The following ARHGAP6 variants were observed in gnomAD, a reference collection of about 807,000 sequenced individuals.
ARHGAP6 encodes rho GTPase-activating protein 6.
ARHGAP6 carries 16 observed loss-of-function variants against 55.7 expected under a neutral mutation model. That is an observed-to-expected ratio of 0.29 (90% CI 0.19 to 0.44). The LOEUF (loss-of-function observed/expected upper bound fraction) is 0.44. Ranked by LOEUF, ARHGAP6 falls within the 20% of genes least tolerant of loss-of-function variation. The pLI is 1.00. For missense variants in ARHGAP6, 698 were observed against 808.9 expected, an observed-to-expected ratio of 0.86 and a Z score of 1.66; for synonymous variants, 382 against 360.9, an observed-to-expected ratio of 1.06 and a Z score of -0.66.
intron 2 of ARHGAP6, among the ~76,000 whole-genome samples, chrX:11,202,881 T>C (rs1257561987): frequency 1.0e-5 from 1 of 96,581 alleles, no homozygotes; most frequent in African/African-American, 3.9e-5. Context: ...ACTTTCTCAA[T>C]ATAGAGTAAA....
chrX:11,145,530 G>A (rs1449193086), intron 10 of ARHGAP6, among the ~76,000 whole-genome samples: 1 of 112,029 alleles, frequency 8.9e-6, no homozygotes, highest in Non-Finnish European at 1.9e-5. Flanking sequence ...GTAATCTTAT[G>A]GGAAGGAGCC....
At chrX:11,429,127 G>C (rs1407030004) in intron 1 of ARHGAP6, among the ~76,000 whole-genome samples, 2 of 112,539 alleles carry the variant, frequency 1.8e-5, no homozygotes, top group African/African-American at 6.5e-5. Flanking sequence ...ATACTATTCA[G>C]CAATAAAAAG....
intron 8 of ARHGAP6, 116 bp from the exon 9 acceptor site, chrX:11,169,800 G>T: frequency 3.7e-6 from 2 of 541,949 alleles, no homozygotes; most frequent in Non-Finnish European, 5.5e-6. Flanking sequence ...CTGCAAGGAT[G>T]CCATCCTCTC....
rs181285912 is a variant in ARHGAP6, at chrX:11,640,586, G to C, written c.588+23655C>G. Among the ~76,000 whole-genome samples the C allele has an allele frequency of 4.1e-3, 463 of 111,690 alleles. 1 individual carries two copies. Among genetic ancestry groups the C allele is most frequent in the Middle Eastern group, 0.014 (3 of 217 alleles). ...GTCTAAACACTTGCTTTCTGGTTTT[G>C]CTGCTTTATCCTATAACTGGGACTC... On this transcript the variant is annotated intron_variant, in intron 1 of 12. Coordinates refer to ENST00000337414, the MANE Select transcript of ARHGAP6 (RefSeq NM_013427.3).
chrX:11,466,252 A>C (rs1483835391), intron 1 of ARHGAP6, among the ~76,000 whole-genome samples: 2 of 111,731 alleles, frequency 1.8e-5, no homozygotes, highest in East Asian at 5.6e-4. Context: ...TAGCTCCTAA[A>C]AATATTTTGT....
chrX:11,356,874 T>C (rs959690075), intron 1 of ARHGAP6, among the ~76,000 whole-genome samples: 2 of 112,374 alleles, frequency 1.8e-5, no homozygotes, highest in Non-Finnish European at 3.8e-5. Flanking sequence ...ATTTATTTCA[T>C]ATTTAACACA....
At chrX:11,487,843 T>C (rs1376499423) in intron 1 of ARHGAP6, among the ~76,000 whole-genome samples, 3 of 111,760 alleles carry the variant, frequency 2.7e-5, no homozygotes, top group Non-Finnish European at 5.6e-5. Context: ...ATAATAATTA[T>C]AGGAGTGATG....
At chrX:11,181,122 C>A (rs1415375826) in intron 6 of ARHGAP6, among the ~76,000 whole-genome samples, 1 of 111,894 alleles carries the variant, frequency 8.9e-6, no homozygotes, top group African/African-American at 3.2e-5. Context: ...TTTCTTCCTG[C>A]AAGTTCTGTT....
chrX:11,150,428 AT>A (rs749485388), intron 10 of ARHGAP6, among the ~76,000 whole-genome samples: 1,694 of 109,545 alleles, frequency 0.015, 31 homozygotes, highest in African/African-American at 0.053. Context: ...TTTTGTGTAT[AT>A]TTTTTTTTCC....
chrX:11,186,106 C>T, intron 5 of ARHGAP6, 130 bp downstream of exon 5: 3 of 620,502 alleles, frequency 4.8e-6, no homozygotes, highest in Non-Finnish European at 7.6e-6. Flanking sequence ...CACATCTGTA[C>T]ACTTTCACAC....
intron 3 of ARHGAP6, among the ~76,000 whole-genome samples, chrX:11,193,871 C>T (rs1180881628): frequency 8.9e-6 from 1 of 112,952 alleles, no homozygotes; most frequent in Non-Finnish European, 1.9e-5. Flanking sequence ...AAACATACAT[C>T]TCCTTCTGTT....
Position 11,450,121 on chromosome X carries a change from A to T in ARHGAP6, c.589-195414T>A, listed in dbSNP as rs144361562. Among the ~76,000 whole-genome samples, 27 of 111,410 alleles carry T rather than the reference A, an allele frequency of 2.4e-4. No individual in the cohort carries two copies. In the East Asian group the frequency reaches 6.5e-3, roughly 27 times the overall value. ...GGGAGAGCTTCCCAGAAAAATAAGA[A>T]GTAAGCTGACAGGTCGTTGATATTT... On this transcript the variant is annotated intron_variant, in intron 1 of 12. Transcript: ENST00000337414.
chrX:11,625,797 G>A lies in ARHGAP6; in HGVS notation c.588+38444C>T, dbSNP rs1009661004. On this transcript the variant is annotated intron_variant, in intron 1 of 12. Transcript: ENST00000337414. Reference sequence around the variant, plus strand: ...TGTAACAAAATATCACATGTACCCCGTAAATATATACAACTGTGATGTATC... The same window carrying A: ...TGTAACAAAATATCACATGTACCCCATAAATATATACAACTGTGATGTATC... 7.2e-5 allele frequency among the ~76,000 whole-genome samples: 8 copies of A among 111,050 alleles called. No individual in the cohort carries two copies. The East Asian group carries it at 1.7e-3, about 23-fold the overall frequency.
intron 1 of ARHGAP6, among the ~76,000 whole-genome samples, chrX:11,354,440 A>C (rs1167796213): frequency 9.6e-6 from 1 of 104,401 alleles, no homozygotes; most frequent in African/African-American, 3.5e-5. Context: ...ATTTATTGTG[A>C]AATGAGGACT....
At chrX:11,369,892 T>G (rs2049125032) in intron 1 of ARHGAP6, among the ~76,000 whole-genome samples, 1 of 112,561 alleles carries the variant, frequency 8.9e-6, no homozygotes, top group South Asian at 3.6e-4. Context: ...AAATGGACAC[T>G]GGGATATGCT....
chrX:11,462,264 CA>C (rs2050252374), intron 1 of ARHGAP6, among the ~76,000 whole-genome samples: 1 of 111,731 alleles, frequency 9.0e-6, no homozygotes, highest in Non-Finnish European at 1.9e-5. Flanking sequence ...TTTAAGGCCA[CA>C]AGTTGTGACC....
At chrX:11,188,047 A>C (rs2046408447) in intron 4 of ARHGAP6, among the ~76,000 whole-genome samples, 1 of 111,108 alleles carries the variant, frequency 9.0e-6, no homozygotes, top group Admixed American at 9.5e-5. Flanking sequence ...ATAAAAGATA[A>C]AAATAAAATG....
At chrX:11,221,613 C>T (rs2046972666) in intron 2 of ARHGAP6, among the ~76,000 whole-genome samples, 1 of 111,396 alleles carries the variant, frequency 9.0e-6, no homozygotes, top group Admixed American at 9.6e-5. Context: ...CTTTCATACA[C>T]GTGGAAATTT....
At chrX:11,605,931 G>A (rs376661955) in intron 1 of ARHGAP6, among the ~76,000 whole-genome samples, 1 of 110,303 alleles carries the variant, frequency 9.1e-6, no homozygotes, top group Non-Finnish European at 1.9e-5. Context: ...ACCCCATCCC[G>A]GGGAGAAAAG....
Sources: gnomAD v4.1 joint callset for allele counts (sites outside exome capture counted in the v4.1 genomes callset) on GRCh38, gnomAD v4.1.1 for gene constraint, MANE v1.5 for transcripts, NCBI Gene and HGNC (gene_info 2026-07-23, HGNC 2026-07-21) for gene names.